The following EYS variants were observed in gnomAD, a reference collection of about 807,000 sequenced individuals.
The protein encoded by EYS is EGF-like photoreceptor maintenance factor.
A neutral mutation model predicts 282.1 loss-of-function variants in EYS; 250 were observed. The observed-to-expected ratio is 0.89, with a 90% CI of 0.80 to 0.98. The LOEUF is 0.98. EYS is among the 50% of genes least tolerant of loss of function. The pLI, the probability that EYS is intolerant of heterozygous loss-of-function variation, is 0.00. For missense variants in EYS, 4,016 were observed against 3,709.0 expected (o/e 1.08, Z -2.15); for synonymous variants, 1,355 against 1,282.9 (o/e 1.06, Z -1.20).
At chr6:64,881,289 T>C (rs571921267) in intron 19 of EYS, among the ~76,000 whole-genome samples, 1 of 151,770 alleles carries the variant, frequency 6.6e-6, no homozygotes, top group Non-Finnish European at 1.5e-5. Flanking sequence ...GTCATACACA[T>C]GAGAACAAGT....
At chr6:65,257,368 T>C (rs1767497108) in intron 12 of EYS, among the ~76,000 whole-genome samples, 1 of 110,272 alleles carries the variant, frequency 9.1e-6, no homozygotes, top group Admixed American at 8.6e-5. Flanking sequence ...TGAATGGTAA[T>C]GCCTAGGTTT....
chr6:65,384,418 C>G lies in EYS; in HGVS notation c.1267G>C (p.Glu423Gln), dbSNP rs376209811. 1 of 1,608,064 alleles carries G rather than the reference C, an allele frequency of 6.2e-7. No homozygotes were observed. The highest frequency in any genetic ancestry group is 1.3e-5 in the African/African-American group (1 of 74,854). Residue 423 changes from glutamate (E) to glutamine (Q), a missense_variant, in exon 8 of 43, where the codon GAA (glutamate) becomes CAA (glutamine). By Grantham distance (29) the Glu-to-Gln change is conservative. Coordinates refer to ENST00000503581, the MANE Select transcript of EYS (RefSeq NM_001142800.2). ...CTTCCAATTATATTGAAACACCATT[C>G]TTCATTCAGACAGTTGATGCTGAGC... ...KLLSINCLNE[E>Q]WCFNIIGRFK...
chr6:63,782,765 A>C (rs144427832), intron 39 of EYS, among the ~76,000 whole-genome samples: 1 of 151,844 alleles, frequency 6.6e-6, no homozygotes, highest in African/African-American at 2.4e-5. Flanking sequence ...TTCTGCTCTG[A>C]TCTTAGTTAT....
intron 31 of EYS, among the ~76,000 whole-genome samples, chr6:64,197,826 T>TAACAC: frequency 6.6e-6 from 1 of 151,754 alleles, no homozygotes; most frequent in Non-Finnish European, 1.5e-5. Flanking sequence ...TTTTAACTTT[T>TAACAC]ATTTCTTACA....
At chr6:65,463,935 A>C (rs1764905386) in intron 5 of EYS, among the ~76,000 whole-genome samples, 1 of 152,156 alleles carries the variant, frequency 6.6e-6, no homozygotes, top group South Asian at 2.1e-4. Context: ...GATGGTATAT[A>C]ATTTTAATAT....
chr6:64,040,623 C>A lies in EYS; in HGVS notation c.6725+25715G>T, dbSNP rs184829567. Reference sequence around the variant, plus strand: ...AAAAGTATTAGTTTATAACCTAGACCCAAGATTGAAAAACTAAGGACAAAG... The same window carrying A: ...AAAAGTATTAGTTTATAACCTAGACACAAGATTGAAAAACTAAGGACAAAG... On this transcript the variant is annotated intron_variant, in intron 33 of 42. Transcript: ENST00000503581. Among the ~76,000 whole-genome samples, 561 of 152,124 alleles carry A rather than the reference C, an allele frequency of 3.7e-3. 5 individuals carry two copies. Among genetic ancestry groups the A allele is most frequent in the African/African-American group, 0.013 (542 of 41,496 alleles).
intron 35 of EYS, among the ~76,000 whole-genome samples, chr6:63,890,929 A>G (rs1773391838): frequency 6.6e-6 from 1 of 152,232 alleles, no homozygotes. Flanking sequence ...CCACAGAAAT[A>G]CAAACTACCA....
chr6:63,912,630 C>A (rs1053420220), intron 35 of EYS, among the ~76,000 whole-genome samples: 1 of 152,074 alleles, frequency 6.6e-6, no homozygotes, highest in African/African-American at 2.4e-5. Context: ...GAAATGTAAT[C>A]CCCAATGTTG....
intron 15 of EYS, among the ~76,000 whole-genome samples, chr6:64,936,437 G>A (rs1048827775): frequency 6.6e-6 from 1 of 151,420 alleles, no homozygotes; most frequent in African/African-American, 2.4e-5. Context: ...TGTACTGGAA[G>A]TTGTTGGGAT....
At chr6:65,071,861 G>T (rs1773911205) in intron 12 of EYS, among the ~76,000 whole-genome samples, 2 of 151,734 alleles carry the variant, frequency 1.3e-5, no homozygotes, top group African/African-American at 4.8e-5. Flanking sequence ...AGATGTTTAG[G>T]TTATGAGGTC....
chr6:65,232,418 A>C (rs1054016281), intron 12 of EYS, among the ~76,000 whole-genome samples: 2 of 151,834 alleles, frequency 1.3e-5, no homozygotes, highest in African/African-American at 4.8e-5. Context: ...CTTATAATTA[A>C]TCTTTCAATT....
At chr6:64,762,169 C>T (rs1180581327) in intron 22 of EYS, among the ~76,000 whole-genome samples, 2 of 151,966 alleles carry the variant, frequency 1.3e-5, no homozygotes, top group African/African-American at 4.8e-5. Flanking sequence ...CTCCATAGAC[C>T]ATATAAAATT....
At chr6:64,563,629 A>G (rs1348484782) in intron 26 of EYS, among the ~76,000 whole-genome samples, 1 of 152,132 alleles carries the variant, frequency 6.6e-6, no homozygotes, top group Non-Finnish European at 1.5e-5. Context: ...TTTATTCAAC[A>G]AATCTTATGA....
intron 12 of EYS, among the ~76,000 whole-genome samples, chr6:65,081,368 C>A (rs1026037978): frequency 1.3e-5 from 2 of 152,024 alleles, no homozygotes. Flanking sequence ...GTCTTCCAAG[C>A]CTCTGTTTCC....
intron 15 of EYS, among the ~76,000 whole-genome samples, chr6:64,930,237 C>T (rs995609761): frequency 6.6e-6 from 1 of 151,742 alleles, no homozygotes; most frequent in African/African-American, 2.4e-5. Context: ...ATTAAAAATT[C>T]CCTGTGTCTG....
chr6:64,663,893 A>G (rs1290560837), intron 22 of EYS, among the ~76,000 whole-genome samples: 1 of 152,164 alleles, frequency 6.6e-6, no homozygotes, highest in African/African-American at 2.4e-5. Context: ...ACGGAAGAGA[A>G]CCATGGAACC....
At chr6:64,096,438 C>A (rs1317121155) in intron 31 of EYS, among the ~76,000 whole-genome samples, 1 of 152,148 alleles carries the variant, frequency 6.6e-6, no homozygotes. Flanking sequence ...TTCTTAGAGG[C>A]TTTGTTCATT....
At chr6:64,608,206 T>C (rs1766995108) in intron 24 of EYS, among the ~76,000 whole-genome samples, 3 of 152,110 alleles carry the variant, frequency 2.0e-5, no homozygotes, top group Non-Finnish European at 4.4e-5. Context: ...TGTATAATAA[T>C]CAACAAAATT....
intron 11 of EYS, among the ~76,000 whole-genome samples, chr6:65,334,333 C>T (rs750350334): frequency 6.6e-6 from 1 of 151,832 alleles, no homozygotes; most frequent in Non-Finnish European, 1.5e-5. Flanking sequence ...ACAATCATAG[C>T]TCATTGAAGC....
Sources: allele counts gnomAD v4.1 joint callset (sites outside exome capture counted in the v4.1 genomes callset), GRCh38; gene constraint gnomAD v4.1.1; transcripts MANE v1.5; gene names NCBI Gene and HGNC (gene_info 2026-07-23, HGNC 2026-07-21).